Variants in SLC2A9 observed in about 807,000 individuals in gnomAD.
The protein encoded by SLC2A9 is solute carrier family 2 member 9.
A neutral mutation model predicts 50.6 loss-of-function variants in SLC2A9; 39 were observed. The observed-to-expected ratio is 0.77, with a 90% CI of 0.60 to 1.01. The LOEUF is 1.01. Ranked by LOEUF, SLC2A9 falls within the 50% of genes least tolerant of loss-of-function variation. The probability of loss-of-function intolerance (pLI) is 0.00; values close to 1 mark genes in which losing one functional copy is unlikely to be tolerated. For synonymous variants in SLC2A9, 324 were observed against 276.9 expected (o/e 1.17, Z -1.69); for missense variants, 686 against 677.6 (o/e 1.01, Z -0.14).
intron 1 of SLC2A9, among the ~76,000 whole-genome samples, chr4:9,772,813 A>AT (rs76377030): frequency 0.016 from 1,592 of 101,892 alleles, 18 homozygotes; most frequent in African/African-American, 0.044. Context: ...ATGCCATTTT[A>AT]TTTTTTTTTT....
chr4:9,975,114 T>G (rs1410900152), intron 5 of SLC2A9, among the ~76,000 whole-genome samples: 1 of 152,112 alleles, frequency 6.6e-6, no homozygotes, highest in African/African-American at 2.4e-5. Flanking sequence ...TCAAGATGGA[T>G]TAAAGATTTA....
rs761984824 is a variant in SLC2A9 at position 9,782,997 on chromosome 4, G to A, written n.386-2932C>T. The stretch of plus-strand genomic sequence containing the variant: ...CTTAACTGCATGGTCCCTTTCTGCA[G>A]TGGACACCCCGAAGGCCCTCCGGCC... On this transcript the variant is annotated intron_variant and non_coding_transcript_variant, in intron 3 of 3. Coordinates refer to the SLC2A9 transcript ENST00000503803. 6.2e-6 allele frequency: 10 copies of A among 1,614,216 alleles called. No homozygotes were observed. In the South Asian group the frequency reaches 9.9e-5, roughly 16 times the overall value.
intron 3 of SLC2A9, among the ~76,000 whole-genome samples, chr4:9,787,604 G>C (rs1719389880): frequency 6.6e-6 from 1 of 152,200 alleles, no homozygotes; most frequent in Non-Finnish European, 1.5e-5. Flanking sequence ...CAGACTTCAT[G>C]ATAATGTCCT....
chr4:9,790,962 A>C (rs1281592956), intron 3 of SLC2A9, among the ~76,000 whole-genome samples: 1 of 152,206 alleles, frequency 6.6e-6, no homozygotes, highest in Non-Finnish European at 1.5e-5. Flanking sequence ...ATTAGCTTGA[A>C]TTATTCTTAG....
chr4:9,811,124 T>A (rs916043056), intron 3 of SLC2A9, among the ~76,000 whole-genome samples: 3 of 148,482 alleles, frequency 2.0e-5, no homozygotes, highest in Admixed American at 2.0e-4. Flanking sequence ...GAACTAACCC[T>A]CCTGGGATGG....
At chr4:9,955,799 T>C (rs973067350) in intron 5 of SLC2A9, among the ~76,000 whole-genome samples, 37 of 151,774 alleles carry the variant, frequency 2.4e-4, no homozygotes, top group Non-Finnish European at 2.4e-4. Flanking sequence ...TATTAACCTT[T>C]TGAGCCCCAC....
intron 3 of SLC2A9, among the ~76,000 whole-genome samples, chr4:9,784,305 T>C (rs1251567589): frequency 6.6e-6 from 1 of 152,224 alleles, no homozygotes; most frequent in Non-Finnish European, 1.5e-5. Context: ...TATGGAATCT[T>C]TTTTGAAGTA....
intron 3 of SLC2A9, among the ~76,000 whole-genome samples, chr4:9,784,253 C>T (rs545250520): frequency 4.6e-5 from 7 of 151,898 alleles, no homozygotes; most frequent in Non-Finnish European, 7.4e-5. Context: ...GCTTCAATGG[C>T]ATGGCATTAG....
chr4:9,875,936 A>G (rs923020990), intron 10 of SLC2A9, among the ~76,000 whole-genome samples: 9 of 152,208 alleles, frequency 5.9e-5, no homozygotes, highest in Non-Finnish European at 1.0e-4. Flanking sequence ...GGCACCAAAC[A>G]AAGCCATAGG....
At chr4:9,856,203 G>A (rs1355296007) in intron 10 of SLC2A9, among the ~76,000 whole-genome samples, 1 of 152,144 alleles carries the variant, frequency 6.6e-6, no homozygotes, top group African/African-American at 2.4e-5. Context: ...GAAAATATTT[G>A]CAAACTATGC....
intron 5 of SLC2A9, among the ~76,000 whole-genome samples, chr4:9,951,416 A>G (rs1750236764): frequency 6.6e-6 from 1 of 152,234 alleles, no homozygotes; most frequent in Non-Finnish European, 1.5e-5. Flanking sequence ...ATAGCAGGGT[A>G]GGATAACTAA....
In SLC2A9 at chr4:9,870,253, A is replaced by G. The variant is rs551899318; in HGVS notation, c.1291+17314T>C. On this transcript the variant is annotated intron_variant, in intron 10 of 11. Transcript: ENST00000264784. ...TTGTCACAGCAGCCACAGGAAATGG[A>G]TACAGCCCAACAGAGGACTGTGTTC... Among the ~76,000 whole-genome samples the G allele has an allele frequency of 2.0e-5, 3 of 152,360 alleles. No individual in the cohort carries two copies. The East Asian group carries it at 5.8e-4, about 29-fold the overall frequency.
intron 10 of SLC2A9, among the ~76,000 whole-genome samples, chr4:9,847,604 G>C (rs1394465245): frequency 2.6e-5 from 4 of 152,186 alleles, no homozygotes; most frequent in Non-Finnish European, 5.9e-5. Context: ...CCCATGCTGG[G>C]GCATCAATGG....
At chr4:10,024,169 G>A (rs1414244404), upstream of SLC2A9, among the ~76,000 whole-genome samples, 1 of 152,082 alleles carries the variant, frequency 6.6e-6, no homozygotes, top group South Asian at 2.1e-4. Flanking sequence ...CGCTGCCTCT[G>A]TGCTCCATGT....
At position 9,782,240 on chromosome 4, in the gene SLC2A9, C is replaced by T. The variant is rs1490254590; in HGVS notation, n.386-2175G>A. The T allele has an allele frequency of 1.9e-6, 3 of 1,613,372 alleles. No individual in the cohort carries two copies. The African/African-American group carries it at 4.0e-5, about 22-fold the overall frequency. Reference sequence around the variant, plus strand: ...CGCAGCCATCGTGCGGAGCCGCCACCTGCGCGCCAACATGACCAACGTCTT... The same window carrying T: ...CGCAGCCATCGTGCGGAGCCGCCACTTGCGCGCCAACATGACCAACGTCTT... On this transcript the variant is annotated intron_variant and non_coding_transcript_variant, in intron 3 of 3. Transcript: ENST00000503803.
At chr4:9,903,828 AT>A (rs1360318860) in intron 8 of SLC2A9, among the ~76,000 whole-genome samples, 2 of 147,550 alleles carry the variant, frequency 1.4e-5, no homozygotes, top group Non-Finnish European at 3.0e-5. Flanking sequence ...TATATAATAT[AT>A]TTTGTATATT....
At chr4:9,869,732 G>A (rs1733101755) in intron 10 of SLC2A9, among the ~76,000 whole-genome samples, 1 of 152,242 alleles carries the variant, frequency 6.6e-6, no homozygotes, top group African/African-American at 2.4e-5. Flanking sequence ...GTAAGTAGGT[G>A]TCCAATAGAC....
intron 3 of SLC2A9, among the ~76,000 whole-genome samples, chr4:9,808,199 G>C (rs1198497197): frequency 6.6e-6 from 1 of 152,218 alleles, no homozygotes; most frequent in Admixed American, 6.5e-5. Context: ...CTGTGCACAA[G>C]CCCCCTTTTC....
intron 10 of SLC2A9, among the ~76,000 whole-genome samples, chr4:9,860,317 T>C (rs1302149366): frequency 1.3e-5 from 2 of 152,218 alleles, no homozygotes; most frequent in African/African-American, 2.4e-5. Context: ...CACAGCCTCC[T>C]GCACACAGAA....
Sources: gnomAD v4.1 joint callset for allele counts (sites outside exome capture counted in the v4.1 genomes callset) on GRCh38, gnomAD v4.1.1 for gene constraint, MANE v1.5 for transcripts, NCBI Gene and HGNC (gene_info 2026-07-23, HGNC 2026-07-21) for gene names.